Variants in EXTL3 observed in about 807,000 individuals in gnomAD.
EXTL3 encodes exostosin like glycosyltransferase 3.
A neutral mutation model predicts 69.3 loss-of-function variants in EXTL3; 27 were observed. The observed-to-expected ratio is 0.39, with a 90% confidence interval of 0.29 to 0.54. EXTL3 has a LOEUF of 0.54. Among genes scored for constraint, EXTL3 ranks in the 20% least tolerant of loss-of-function variants. The pLI is 0.69. For missense variants in EXTL3, 1,003 were observed against 1,231.8 expected (o/e 0.81, Z 2.78); for synonymous variants, 511 against 499.4 (o/e 1.02, Z -0.31).
At chr8:28,748,032 T>A (rs763534404) in intron 6 of EXTL3, among the ~76,000 whole-genome samples, 12 of 152,264 alleles carry the variant, frequency 7.9e-5, no homozygotes, top group Non-Finnish European at 1.5e-4. Context: ...CTGGCCTTAT[T>A]TTTATATTTT....
At chr8:28,734,412 C>G (rs1291693974) in intron 4 of EXTL3, among the ~76,000 whole-genome samples, 4 of 152,136 alleles carry the variant, frequency 2.6e-5, no homozygotes, top group Admixed American at 1.3e-4. Flanking sequence ...TTCCCCACAT[C>G]ATTTGAAAAC....
Position 28,718,924 on chromosome 8 carries a change from G to T in EXTL3, c.2148+717G>T, listed in dbSNP as rs941649310. Among the ~76,000 whole-genome samples the T allele has an allele frequency of 9.7e-4, 147 of 152,210 alleles. 1 individual carries two copies. Among genetic ancestry groups the T allele is most frequent in the African/African-American group, 3.2e-3 (133 of 41,538 alleles). The stretch of plus-strand genomic sequence containing the variant: ...GGAAAAATAATAGCTAAATATGCAG[G>T]ACAGGGCTTTAGTTCTGAGGAGTTT... On this transcript the variant is annotated intron_variant, in intron 3 of 6. Coordinates refer to ENST00000220562, the MANE Select transcript of EXTL3 (RefSeq NM_001440.4).
intron 1 of EXTL3, among the ~76,000 whole-genome samples, chr8:28,682,306 C>T (rs1807502821): frequency 6.6e-6 from 1 of 152,036 alleles, no homozygotes; most frequent in Non-Finnish European, 1.5e-5. Context: ...TTATTAGTTT[C>T]CTTGCTGTTG....
At chr8:28,646,121 C>G (rs901010246) in intron 1 of EXTL3, among the ~76,000 whole-genome samples, 5 of 152,136 alleles carry the variant, frequency 3.3e-5, no homozygotes, top group Non-Finnish European at 4.4e-5. Flanking sequence ...CTCGGCTTCC[C>G]AAAGTGTTGG....
chr8:28,748,276 C>T (rs1398311477), intron 6 of EXTL3, among the ~76,000 whole-genome samples: 1 of 151,086 alleles, frequency 6.6e-6, no homozygotes, highest in African/African-American at 2.4e-5. Context: ...GAGGCTGAGG[C>T]AGGAGAATGG....
intron 1 of EXTL3, among the ~76,000 whole-genome samples, chr8:28,703,519 T>C (rs1033081002): frequency 2.0e-5 from 3 of 152,148 alleles, no homozygotes; most frequent in Non-Finnish European, 2.9e-5. Context: ...CCTGTTCTTT[T>C]CCGCAGGGCC....
chr8:28,619,324 G>A, upstream of EXTL3, among the ~76,000 whole-genome samples: 2 of 116,508 alleles, frequency 1.7e-5, no homozygotes. Context: ...AACCCTGTGT[G>A]AGCCCTGGAC....
intron 1 of EXTL3, among the ~76,000 whole-genome samples, chr8:28,672,286 T>C (rs1807307132): frequency 6.6e-6 from 1 of 151,576 alleles, no homozygotes; most frequent in Admixed American, 6.6e-5. Flanking sequence ...GGCATGGTGG[T>C]GGGCACCTAT....
intron 1 of EXTL3, among the ~76,000 whole-genome samples, chr8:28,667,930 G>C (rs1479371203): frequency 6.6e-6 from 1 of 151,796 alleles, no homozygotes; most frequent in Non-Finnish European, 1.5e-5. Context: ...CCAACACTTT[G>C]GGGAATTGAG....
At chr8:28,691,243 T>C (rs1233942303) in intron 1 of EXTL3, among the ~76,000 whole-genome samples, 1 of 152,216 alleles carries the variant, frequency 6.6e-6, no homozygotes, top group Non-Finnish European at 1.5e-5. Flanking sequence ...AATCTCAGAA[T>C]AAAGTCTAAT....
intron 1 of EXTL3, among the ~76,000 whole-genome samples, chr8:28,667,923 A>G (rs1466584585): frequency 1.3e-5 from 2 of 151,972 alleles, no homozygotes; most frequent in African/African-American, 2.4e-5. Context: ...TGTCATCCCA[A>G]CACTTTGGGG....
intron 3 of EXTL3, among the ~76,000 whole-genome samples, chr8:28,725,126 A>G (rs185576321): frequency 1.0e-3 from 155 of 152,214 alleles, no homozygotes; most frequent in African/African-American, 3.6e-3. Context: ...TTATGTACGT[A>G]TATATGTTTT....
In EXTL3 at chr8:28,703,878, T is replaced by C. The variant is rs534043547; in HGVS notation, c.-570+2219T>C. On this transcript the variant is annotated intron_variant, in intron 1 of 6. Transcript: ENST00000220562. ...TACCCCTTCATTTCGGCAACTATCA[T>C]TTCGAAGACTTTCAATGATAGGGCA... 3.3e-5 allele frequency among the ~76,000 whole-genome samples: 5 copies of C among 152,336 alleles called. No homozygotes were observed. The South Asian group carries it at 8.3e-4, about 25-fold the overall frequency.
chr8:28,677,229 G>A (rs1276962834), intron 1 of EXTL3, among the ~76,000 whole-genome samples: 2 of 152,106 alleles, frequency 1.3e-5, no homozygotes, highest in African/African-American at 4.8e-5. Flanking sequence ...GAGCTATGGT[G>A]CCTGCTTTTA....
At chr8:28,685,371 T>TCTTTCTTCCTGTCTCC (rs1444856438) in intron 1 of EXTL3, among the ~76,000 whole-genome samples, 1 of 151,346 alleles carries the variant, frequency 6.6e-6, no homozygotes, top group Non-Finnish European at 1.5e-5. Context: ...AGCTTCCCCT[T>TCTTTCTTCCTGTCTCC]CTTTCTTCCT....
chr8:28,683,611 G>A (rs1563203688), intron 1 of EXTL3, among the ~76,000 whole-genome samples: 4 of 152,042 alleles, frequency 2.6e-5, no homozygotes, highest in Admixed American at 6.5e-5. Context: ...TCAGGAGATC[G>A]AGACCATCCT....
intron 1 of EXTL3, among the ~76,000 whole-genome samples, chr8:28,703,365 G>C (rs1800852822): frequency 6.6e-6 from 1 of 152,198 alleles, no homozygotes; most frequent in Non-Finnish European, 1.5e-5. Context: ...TAGGCCTCAA[G>C]AGTTTTGACC....
intron 1 of EXTL3, among the ~76,000 whole-genome samples, chr8:28,686,278 G>T (rs928115115): frequency 6.6e-6 from 1 of 151,448 alleles, no homozygotes; most frequent in Non-Finnish European, 1.5e-5. Flanking sequence ...TGGATCACTT[G>T]AGCCCAGGAG....
intron 1 of EXTL3, among the ~76,000 whole-genome samples, chr8:28,655,513 A>G (rs1806995661): frequency 7.0e-6 from 1 of 142,282 alleles, no homozygotes. Flanking sequence ...TTTTTGAGAC[A>G]GCGTCTCACA....
Sources: allele counts gnomAD v4.1 joint callset (sites outside exome capture counted in the v4.1 genomes callset), GRCh38; gene constraint gnomAD v4.1.1; transcripts MANE v1.5; gene names NCBI Gene and HGNC (gene_info 2026-07-23, HGNC 2026-07-21).